The following ANO6 variants were observed in gnomAD, a reference collection of about 807,000 sequenced individuals.
ANO6 encodes anoctamin-6.
Under a neutral mutation model 117.5 loss-of-function variants are expected in ANO6, and 106 were observed. The observed-to-expected ratio is 0.90, with a 90% CI of 0.77 to 1.06. The LOEUF (loss-of-function observed/expected upper bound fraction) is 1.06. Ranked by LOEUF, ANO6 falls within the 50% of genes least tolerant of loss-of-function variation. The probability of loss-of-function intolerance (pLI) is 0.00; values close to 1 mark genes in which losing one functional copy is unlikely to be tolerated. For missense variants in ANO6, 955 were observed against 1,121.1 expected, an observed-to-expected ratio of 0.85 and a Z score of 2.12; for synonymous variants, 367 against 385.1, an observed-to-expected ratio of 0.95 and a Z score of 0.55.
intron 1 of ANO6, among the ~76,000 whole-genome samples, chr12:45,241,822 G>T (rs1189836031): frequency 6.6e-6 from 1 of 152,236 alleles, no homozygotes; most frequent in Non-Finnish European, 1.5e-5. Context: ...CTGCAGGTCT[G>T]TTGGAGTTTG....
intron 1 of ANO6, among the ~76,000 whole-genome samples, chr12:45,288,214 T>C (rs916829289): frequency 3.3e-5 from 5 of 152,194 alleles, no homozygotes; most frequent in Non-Finnish European, 7.3e-5. Flanking sequence ...AGCTACACTT[T>C]TTTGTGTGTG....
chr12:45,233,571 A>G (rs1457010400), intron 1 of ANO6, among the ~76,000 whole-genome samples: 2 of 152,238 alleles, frequency 1.3e-5, no homozygotes, highest in Admixed American at 6.5e-5. Context: ...TATTAACATT[A>G]TCTTTTGCCT....
intron 1 of ANO6, among the ~76,000 whole-genome samples, chr12:45,238,922 G>A (rs1283257704): frequency 1.3e-5 from 2 of 152,212 alleles, no homozygotes; most frequent in East Asian, 3.8e-4. Context: ...GCTTTTTGAT[G>A]TGCTGCTGGA....
chr12:45,238,982 G>A (rs1399161997), intron 1 of ANO6, among the ~76,000 whole-genome samples: 1 of 152,156 alleles, frequency 6.6e-6, no homozygotes, highest in Non-Finnish European at 1.5e-5. Context: ...TGTTCATCAG[G>A]GATATTGATC....
intron 16 of ANO6, among the ~76,000 whole-genome samples, chr12:45,410,211 G>A (rs1345164385): frequency 1.3e-5 from 2 of 152,196 alleles, no homozygotes; most frequent in South Asian, 2.1e-4. Context: ...AAGCCTGCAG[G>A]AGCATGCAGC....
chr12:45,217,372 G>T (rs2137111870), intron 1 of ANO6, among the ~76,000 whole-genome samples: 1 of 152,250 alleles, frequency 6.6e-6, no homozygotes, highest in Middle Eastern at 3.4e-3. Flanking sequence ...CTAAAGCCCT[G>T]TTGTTATCTA....
intron 18 of ANO6, 140 bp from the exon 19 acceptor site, chr12:45,422,817 A>C: frequency 4.2e-6 from 3 of 714,722 alleles, no homozygotes; most frequent in Non-Finnish European, 7.6e-6. Context: ...CAAGTGATCC[A>C]CATGCCTCAG....
intron 7 of ANO6, among the ~76,000 whole-genome samples, chr12:45,352,960 A>T (rs1446633160): frequency 2.7e-5 from 4 of 148,372 alleles, no homozygotes; most frequent in African/African-American, 1.0e-4. Flanking sequence ...TGCTGATTTC[A>T]TTCTCTCCTG....
At chr12:45,410,987 T>G (rs1376600829) in intron 16 of ANO6, among the ~76,000 whole-genome samples, 1 of 152,202 alleles carries the variant, frequency 6.6e-6, no homozygotes, top group Non-Finnish European at 1.5e-5. Context: ...GCAGTACATA[T>G]GTAGAAGCTG....
At chr12:45,275,292 C>T (rs1938519582) in intron 1 of ANO6, among the ~76,000 whole-genome samples, 1 of 152,214 alleles carries the variant, frequency 6.6e-6, no homozygotes, top group African/African-American at 2.4e-5. Context: ...CTCACTGCAA[C>T]CTCTGACTCC....
rs192229494 is a variant in ANO6, at chr12:45,405,063, C to T, written c.1880+1527C>T. On this transcript the variant is annotated intron_variant, in intron 15 of 19. Transcript: ENST00000320560. ...TCTCTCTCCTTCCTCTTCCCCCACCCAGAAAGGGATTCTGGCTTTAGCTGT... is the reference window on the plus strand; with the variant it reads ...TCTCTCTCCTTCCTCTTCCCCCACCTAGAAAGGGATTCTGGCTTTAGCTGT... Among the ~76,000 whole-genome samples, 97 of 152,226 alleles carry T rather than the reference C, an allele frequency of 6.4e-4. 1 individual carries two copies. The highest frequency in any genetic ancestry group is 2.6e-4 in the Non-Finnish European group (18 of 68,006).
Position 45,429,503 on chromosome 12 carries a change from G to A in ANO6, c.*192G>A. 7.1e-7 allele frequency: 1 copy of A among 1,412,018 alleles called. No individual in the cohort carries two copies. Among genetic ancestry groups the A allele is most frequent in the Non-Finnish European group, 9.2e-7 (1 of 1,087,126 alleles). The allele number at this position is 1,412,018 out of a possible 1,614,324, so 87.5% of individuals were successfully genotyped here. A position where few individuals can be genotyped will look rare whatever the true frequency, so the allele number is the denominator to read the frequency against. On this transcript the variant is annotated 3_prime_UTR_variant, in exon 20 of 20. Coordinates refer to ENST00000320560, the MANE Select transcript of ANO6 (RefSeq NM_001025356.3). The stretch of plus-strand genomic sequence containing the variant: ...GAAAATGTAAAACTTAGATCATGAA[G>A]GGCATAAAACTTATCACCCGGAAAA...
intron 1 of ANO6, among the ~76,000 whole-genome samples, chr12:45,255,801 A>G (rs1937794039): frequency 7.2e-6 from 1 of 139,254 alleles, no homozygotes; most frequent in African/African-American, 2.8e-5. Flanking sequence ...ATCTGGCCCC[A>G]GGTTTTCTCC....
chr12:45,217,613 A>G (rs1947335906), intron 1 of ANO6, among the ~76,000 whole-genome samples: 1 of 152,224 alleles, frequency 6.6e-6, no homozygotes, highest in African/African-American at 2.4e-5. Context: ...AGTAGTTTTT[A>G]TAGGAGAGAA....
intron 1 of ANO6, among the ~76,000 whole-genome samples, chr12:45,243,617 T>C (rs901573896): frequency 1.3e-5 from 2 of 151,896 alleles, no homozygotes; most frequent in African/African-American, 4.9e-5. Context: ...TGGCACAATC[T>C]CGGCTCACTG....
chr12:45,260,099 A>G (rs553722819), intron 1 of ANO6, among the ~76,000 whole-genome samples: 1 of 152,326 alleles, frequency 6.6e-6, no homozygotes, highest in Non-Finnish European at 1.5e-5. Context: ...CTTTTCTTCC[A>G]TAAGGAAAAA....
intron 3 of ANO6, among the ~76,000 whole-genome samples, chr12:45,344,800 A>G (rs1388386084): frequency 6.6e-6 from 1 of 152,154 alleles, no homozygotes; most frequent in Non-Finnish European, 1.5e-5. Flanking sequence ...GAGGATTAGG[A>G]TTTAGAGGGA....
chr12:45,381,403 T>G (rs780934492), intron 10 of ANO6, among the ~76,000 whole-genome samples: 26 of 152,210 alleles, frequency 1.7e-4, no homozygotes, highest in Admixed American at 5.9e-4. Context: ...ATCAGTTGTC[T>G]TATTGCAGGG....
chr12:45,438,247 G>T (rs576885232), intron 19 of ANO6, among the ~76,000 whole-genome samples: 4 of 113,364 alleles, frequency 3.5e-5, no homozygotes, highest in Non-Finnish European at 6.0e-5. Context: ...ACATATTTGC[G>T]TGTATGTGTG....
Sources: allele counts gnomAD v4.1 joint callset (sites outside exome capture counted in the v4.1 genomes callset), GRCh38; gene constraint gnomAD v4.1.1; transcripts MANE v1.5; gene names NCBI Gene and HGNC (gene_info 2026-07-23, HGNC 2026-07-21).